The following CACNA1C variants were observed in gnomAD, a reference collection of about 807,000 sequenced individuals.
CACNA1C encodes the protein voltage-dependent L-type calcium channel subunit alpha-1C.
CACNA1C carries 30 observed loss-of-function variants against 229.0 expected under a neutral mutation model. The observed-to-expected ratio is 0.13, with a 90% confidence interval of 0.10 to 0.18. CACNA1C has a LOEUF of 0.18. Among genes scored for constraint, CACNA1C ranks in the 10% least tolerant of loss-of-function variants. The pLI, the probability that CACNA1C is intolerant of heterozygous loss-of-function variation, is 1.00. For synonymous variants in CACNA1C, 1,114 were observed against 1,132.5 expected, an observed-to-expected ratio of 0.98 and a Z score of 0.33; for missense variants, 1,658 against 2,845.0, an observed-to-expected ratio of 0.58 and a Z score of 9.49.
At chr12:2,611,726 C>T (rs1332958167) in intron 28 of CACNA1C, among the ~76,000 whole-genome samples, 177 bp from the exon 29 acceptor site, 1 of 152,078 alleles carries the variant, frequency 6.6e-6, no homozygotes, top group African/African-American at 2.4e-5. Flanking sequence ...CAGGGAAGAT[C>T]TTGGAGGTTC....
chr12:2,171,419 G>A (rs1376928967), intron 3 of CACNA1C, among the ~76,000 whole-genome samples: 1 of 152,174 alleles, frequency 6.6e-6, no homozygotes, highest in African/African-American at 2.4e-5. Context: ...CGTGCGAGGA[G>A]GGATGAGCAT....
At position 2,585,232 on chromosome 12, in the gene CACNA1C, G is replaced by C. The variant is rs1289238497; in HGVS notation, c.2340-144G>C. On this transcript the variant is annotated intron_variant, in intron 16 of 46. Coordinates refer to ENST00000399655, the MANE Select transcript of CACNA1C (RefSeq NM_000719.7). The surrounding 1 kb of genome is among the most constrained non-coding windows in gnomAD (Gnocchi z 4.1). ...CTTGTGACTGAGCTGCACACGAGAAGCGTCCTGGAGAAAGGAAGATGGACT... is the reference window on the plus strand; with the variant it reads ...CTTGTGACTGAGCTGCACACGAGAACCGTCCTGGAGAAAGGAAGATGGACT... 1 of 691,504 alleles carries C rather than the reference G, an allele frequency of 1.4e-6. No homozygotes were observed. The highest frequency in any genetic ancestry group is 1.8e-5 in the African/African-American group (1 of 54,452). 42.8% of individuals were successfully genotyped at this position (691,504 alleles called of 1,614,324 possible).
At chr12:2,260,734 T>G (rs1048358293) in intron 3 of CACNA1C, among the ~76,000 whole-genome samples, 1 of 152,154 alleles carries the variant, frequency 6.6e-6, no homozygotes, top group African/African-American at 2.4e-5. Context: ...GCCTCAACAT[T>G]CTTGCTCCTA....
chr12:2,440,180 G>A (rs1425113322), intron 3 of CACNA1C, among the ~76,000 whole-genome samples: 7 of 152,092 alleles, frequency 4.6e-5, no homozygotes, highest in Admixed American at 3.3e-4. Context: ...AAATTCAGTG[G>A]CATTAATCAC....
intron 9 of CACNA1C, among the ~76,000 whole-genome samples, chr12:2,530,278 G>A (rs1179199176): frequency 3.9e-5 from 6 of 152,206 alleles, no homozygotes; most frequent in Non-Finnish European, 5.9e-5. Context: ...AATGGAAATG[G>A]CCTGTTGCTC....
intron 1 of CACNA1C, among the ~76,000 whole-genome samples, chr12:2,062,074 C>T (rs1016738531): frequency 2.0e-5 from 3 of 152,154 alleles, no homozygotes; most frequent in South Asian, 2.1e-4. Flanking sequence ...TTCGCACTTT[C>T]GCATTTGTTT....
intron 3 of CACNA1C, among the ~76,000 whole-genome samples, chr12:2,247,466 G>A (rs1231308556): frequency 2.0e-5 from 3 of 152,206 alleles, no homozygotes; most frequent in Non-Finnish European, 4.4e-5. Flanking sequence ...TCTAGGCTGG[G>A]AGAAATCGAC....
At position 2,544,902 on chromosome 12, in the gene CACNA1C, A is replaced by G. The variant is rs183782330; in HGVS notation, c.1391-5041A>G. Among the ~76,000 whole-genome samples, 336 of 152,348 alleles carry G rather than the reference A, an allele frequency of 2.2e-3. 4 individuals are homozygous for G. Among genetic ancestry groups the G allele is most frequent in the African/African-American group, 7.8e-3 (325 of 41,582 alleles). ...TGAGCCCTTTCTGTTGGCCAATGCCAGCTGCAGGCATTGCAGTTTTTGGTG... is the reference window on the plus strand; with the variant it reads ...TGAGCCCTTTCTGTTGGCCAATGCCGGCTGCAGGCATTGCAGTTTTTGGTG... On this transcript the variant is annotated intron_variant, in intron 9 of 46. Coordinates refer to ENST00000399655, the MANE Select transcript of CACNA1C (RefSeq NM_000719.7).
At chr12:2,465,515 G>A (rs905570285) in intron 5 of CACNA1C, among the ~76,000 whole-genome samples, 4 of 152,114 alleles carry the variant, frequency 2.6e-5, no homozygotes, top group Non-Finnish European at 4.4e-5. Context: ...GGCCAGTCTC[G>A]GCCAGCACAT....
At chr12:2,572,835 TTC>T (rs2056714873) in intron 13 of CACNA1C, among the ~76,000 whole-genome samples, 1 of 111,002 alleles carries the variant, frequency 9.0e-6, no homozygotes, top group African/African-American at 3.5e-5. Context: ...CCCCTCCTCC[TTC>T]TCTTCCTCCT....
chr12:2,199,131 C>G (rs1598853680), intron 3 of CACNA1C, among the ~76,000 whole-genome samples: 1 of 152,072 alleles, frequency 6.6e-6, no homozygotes, highest in East Asian at 1.9e-4. Context: ...CCACACCATC[C>G]CCTCAACTCC....
intron 1 of CACNA1C, among the ~76,000 whole-genome samples, chr12:1,996,691 A>G (rs1180113050): frequency 7.0e-6 from 1 of 143,494 alleles, no homozygotes; most frequent in Non-Finnish European, 1.5e-5. Context: ...GAAGTTTACG[A>G]ATTTCTGTCA....
At chr12:2,310,580 C>T (rs1428162480) in intron 3 of CACNA1C, among the ~76,000 whole-genome samples, 2 of 152,066 alleles carry the variant, frequency 1.3e-5, no homozygotes, top group Admixed American at 6.5e-5. Context: ...AAGCCCCAGC[C>T]CTCCATTTTT....
rs1015625974 is a variant in CACNA1C, at chr12:2,318,943, A to G, written c.478-130033A>G. On this transcript the variant is annotated intron_variant, in intron 3 of 46. Transcript: ENST00000399655. ...AGGAGAGCAGGGAAGGAAGGAAGGC[A>G]GGCAGGGAGGGAGGCCTACTCCTCT... 1.9e-4 allele frequency among the ~76,000 whole-genome samples: 29 copies of G among 151,932 alleles called. 1 individual carries two copies. Among genetic ancestry groups the G allele is most frequent in the Non-Finnish European group, 5.9e-5 (4 of 67,956 alleles).
chr12:2,430,574 GT>G (rs1481412426), intron 3 of CACNA1C, among the ~76,000 whole-genome samples: 5 of 149,378 alleles, frequency 3.3e-5, no homozygotes, highest in Admixed American at 6.6e-5. Flanking sequence ...CTGGGAGGTG[GT>G]GGGGGGGTCC....
intron 1 of CACNA1C, among the ~76,000 whole-genome samples, chr12:2,072,452 G>A (rs553725231): frequency 1.3e-5 from 2 of 152,064 alleles, no homozygotes; most frequent in African/African-American, 2.4e-5. Context: ...CGCCCGCCTC[G>A]GCCTCCCAGA....
chr12:2,363,904 C>T (rs1339894065), intron 3 of CACNA1C, among the ~76,000 whole-genome samples: 2 of 152,202 alleles, frequency 1.3e-5, no homozygotes. Context: ...ACCCCCTGAA[C>T]AACAGTAGCA....
chr12:2,071,727 C>T (rs2061411136), intron 1 of CACNA1C, among the ~76,000 whole-genome samples: 1 of 152,244 alleles, frequency 6.6e-6, no homozygotes, highest in Non-Finnish European at 1.5e-5. Context: ...GTTTCCCCCT[C>T]ATTTGTATCT....
Position 2,303,678 on chromosome 12 carries a change from G to A in CACNA1C, c.478-145298G>A, listed in dbSNP as rs534196664. On this transcript the variant is annotated intron_variant, in intron 3 of 46. Transcript: ENST00000399655. Reference sequence around the variant, plus strand: ...TGAGGTGCTAGGGGTGAGGGCTTTCGCACATGAGCTTTGGTGGGGACACAT... The same window carrying A: ...TGAGGTGCTAGGGGTGAGGGCTTTCACACATGAGCTTTGGTGGGGACACAT... 4.7e-4 allele frequency among the ~76,000 whole-genome samples: 72 copies of A among 152,246 alleles called. 1 individual carries two copies. Among genetic ancestry groups the A allele is most frequent in the Middle Eastern group, 3.4e-3 (1 of 294 alleles).
Sources: allele counts gnomAD v4.1 joint callset (sites outside exome capture counted in the v4.1 genomes callset), GRCh38; gene constraint gnomAD v4.1.1; non-coding constraint Gnocchi (gnomAD v3.1); transcripts MANE v1.5; gene names NCBI Gene and HGNC (gene_info 2026-07-23, HGNC 2026-07-21).